Variants in RALGAPA2 observed in about 807,000 individuals in gnomAD.
RALGAPA2 encodes Ral GTPase activating protein catalytic subunit alpha 2.
In RALGAPA2, 139 loss-of-function variants were observed where a neutral mutation model predicts 230.4. The ratio of observed to expected loss-of-function variants is 0.60; its 90% CI spans 0.53 to 0.69. RALGAPA2 has a LOEUF of 0.69. RALGAPA2 is among the 30% of genes least tolerant of loss of function. The pLI is 0.00. For missense variants in RALGAPA2, 2,163 were observed against 2,276.0 expected (o/e 0.95, Z 1.01); for synonymous variants, 847 against 837.8 (o/e 1.01, Z -0.19).
At position 20,452,906 on chromosome 20, in the gene RALGAPA2, G is replaced by A. The variant is rs560498102; in HGVS notation, c.5495+19923C>T. ...GATGGAGAGGTGTTGACCAGGCACT[G>A]GGGTGGTGGGGAGCCGTGAGTTGAT... On this transcript the variant is annotated intron_variant, in intron 37 of 39. Coordinates refer to ENST00000202677, the MANE Select transcript of RALGAPA2 (RefSeq NM_020343.4). 4.6e-5 allele frequency among the ~76,000 whole-genome samples: 7 copies of A among 152,296 alleles called. No homozygotes were observed. In the East Asian group the frequency reaches 1.4e-3, roughly 29 times the overall value.
chr20:20,472,169 A>G (rs977253091), intron 37 of RALGAPA2: 2 of 152,236 alleles, frequency 1.3e-5, no homozygotes, highest in African/African-American at 4.8e-5. Context: ...GTTTGAGGAA[A>G]AAATTTTAGG....
chr20:20,665,652 T>A (rs1212770429), intron 3 of RALGAPA2, among the ~76,000 whole-genome samples: 2 of 152,216 alleles, frequency 1.3e-5, no homozygotes, highest in African/African-American at 4.8e-5. Context: ...AATAGGATAA[T>A]CACATTTTAA....
intron 37 of RALGAPA2, among the ~76,000 whole-genome samples, chr20:20,443,710 T>C (rs758526108): frequency 1.3e-5 from 2 of 152,262 alleles, no homozygotes; most frequent in African/African-American, 2.4e-5. Context: ...GAGGAAGTCA[T>C]GTGACTCCTC....
intron 3 of RALGAPA2, among the ~76,000 whole-genome samples, chr20:20,661,219 C>T (rs150650997): frequency 4.0e-4 from 61 of 152,174 alleles, no homozygotes; most frequent in African/African-American, 1.3e-3. Context: ...AGAGCAATGG[C>T]GCAATCTTGG....
At chr20:20,439,063 C>T (rs2060676991) in intron 37 of RALGAPA2, among the ~76,000 whole-genome samples, 1 of 152,156 alleles carries the variant, frequency 6.6e-6, no homozygotes, top group African/African-American at 2.4e-5. Flanking sequence ...TTTACCATCT[C>T]TTTTCCCAGG....
At chr20:20,633,112 T>C (rs1207104939) in intron 9 of RALGAPA2, among the ~76,000 whole-genome samples, 1 of 151,506 alleles carries the variant, frequency 6.6e-6, no homozygotes, top group African/African-American at 2.4e-5. Context: ...CTTCTCTTTC[T>C]TTCTCTCTCT....
At chr20:20,498,247 T>G (rs1181512320) in intron 35 of RALGAPA2, among the ~76,000 whole-genome samples, 1 of 152,158 alleles carries the variant, frequency 6.6e-6, no homozygotes, top group Non-Finnish European at 1.5e-5. Flanking sequence ...ATGATGAGTC[T>G]CCTTCTGGAA....
intron 37 of RALGAPA2, among the ~76,000 whole-genome samples, chr20:20,458,485 G>GTATTTTATATATATTATATATAATATA (rs1569417381): frequency 3.1e-5 from 4 of 127,642 alleles, no homozygotes; most frequent in Admixed American, 2.5e-4. Context: ...TAATATATAT[G>GTATTTTATATATATTATATATAATATA]TATTTTATAT....
intron 36 of RALGAPA2, among the ~76,000 whole-genome samples, chr20:20,474,712 C>G (rs1246024590): frequency 6.6e-6 from 1 of 152,148 alleles, no homozygotes; most frequent in Non-Finnish European, 1.5e-5. Context: ...CTACGTTTTC[C>G]TGAAATGGAG....
chr20:20,539,727 A>G (rs1477309873), intron 24 of RALGAPA2, among the ~76,000 whole-genome samples: 1 of 152,170 alleles, frequency 6.6e-6, no homozygotes, highest in Non-Finnish European at 1.5e-5. Flanking sequence ...ATTCGGCATA[A>G]CTGAAACTTT....
chr20:20,658,677 T>A (rs1021201324), intron 3 of RALGAPA2, among the ~76,000 whole-genome samples: 26 of 152,246 alleles, frequency 1.7e-4, no homozygotes, highest in African/African-American at 6.3e-4. Context: ...CATCAGGGAA[T>A]CTGTCATTCT....
At chr20:20,440,026 A>C (rs1238853264) in intron 37 of RALGAPA2, among the ~76,000 whole-genome samples, 1 of 152,188 alleles carries the variant, frequency 6.6e-6, no homozygotes, top group Non-Finnish European at 1.5e-5. Context: ...CATAATGTCT[A>C]TTTCTTAATT....
At position 20,605,341 on chromosome 20, in the gene RALGAPA2, A is replaced by G; in HGVS notation, c.1872T>C (p.Leu624=). 3 of 1,613,910 alleles carry G rather than the reference A, an allele frequency of 1.9e-6. No homozygotes were observed. The highest frequency in any genetic ancestry group is 2.2e-5 in the South Asian group (2 of 91,080). Residue 624 remains leucine (L), a synonymous_variant, in exon 15 of 40, where the codon CTT becomes CTC. Transcript: ENST00000202677. ...ATTCCGTGAGGGAGGACAGCACACCAAGAAAGTCATCCCAGAGCTCTCGAG... is the reference window on the plus strand; with the variant it reads ...ATTCCGTGAGGGAGGACAGCACACCGAGAAAGTCATCCCAGAGCTCTCGAG... ...YISRELWDDF[L]GVLSSLTEWE...
intron 10 of RALGAPA2, among the ~76,000 whole-genome samples, chr20:20,626,347 A>G (rs969485809): frequency 2.0e-5 from 3 of 152,234 alleles, no homozygotes; most frequent in Non-Finnish European, 2.9e-5. Flanking sequence ...TAGATTTTAA[A>G]CTTCACATAC....
At chr20:20,646,722 CATT>C (rs2146555489) in intron 4 of RALGAPA2, among the ~76,000 whole-genome samples, 1 of 152,142 alleles carries the variant, frequency 6.6e-6, no homozygotes, top group Admixed American at 6.5e-5. Flanking sequence ...CTAAAAAACT[CATT>C]AATCAAGATA....
chr20:20,524,684 ATAAG>A (rs1366918360), intron 29 of RALGAPA2, 141 bp from the exon 30 acceptor site: 14 of 1,300,432 alleles, frequency 1.1e-5, no homozygotes, highest in African/African-American at 1.5e-5. Context: ...AAATAAATAA[ATAAG>A]TAGCATTTTC....
intron 10 of RALGAPA2, among the ~76,000 whole-genome samples, chr20:20,622,866 T>C (rs6137082): frequency 0.053 from 8,121 of 152,224 alleles, 296 homozygotes; most frequent in East Asian, 0.16. Flanking sequence ...CTGAAAGGGA[T>C]AATATCTACA....
chr20:20,651,690 T>C (rs551699993), intron 4 of RALGAPA2, among the ~76,000 whole-genome samples: 1 of 152,332 alleles, frequency 6.6e-6, no homozygotes, highest in South Asian at 2.1e-4. Context: ...TTTTCACACA[T>C]AGTCCTAATA....
chr20:20,491,590 T>C (rs1447290790), intron 36 of RALGAPA2, among the ~76,000 whole-genome samples: 3 of 152,218 alleles, frequency 2.0e-5, no homozygotes, highest in African/African-American at 7.2e-5. Context: ...GGAAGTTCTA[T>C]GAATCACTTT....
Sources: gnomAD v4.1 joint callset for allele counts (sites outside exome capture counted in the v4.1 genomes callset) on GRCh38, gnomAD v4.1.1 for gene constraint, MANE v1.5 for transcripts, NCBI Gene and HGNC (gene_info 2026-07-23, HGNC 2026-07-21) for gene names.